CYP39A1: variants seen among roughly 807,000 people sequenced by gnomAD.
CYP39A1 encodes cytochrome P450 family 39 subfamily A member 1, also known as 24-hydroxycholesterol 7-alpha-hydroxylase.
CYP39A1 carries 49 observed loss-of-function variants against 58.1 expected under a neutral mutation model. That is an observed-to-expected ratio of 0.84 (90% CI 0.67 to 1.07). CYP39A1 has a LOEUF of 1.07. Ranked by LOEUF, CYP39A1 falls within the 50% of genes least tolerant of loss-of-function variation. The probability of loss-of-function intolerance (pLI) is 0.00; values close to 1 mark genes in which losing one functional copy is unlikely to be tolerated. For synonymous variants in CYP39A1, 209 were observed against 187.6 expected (o/e 1.11, Z -0.93); for missense variants, 531 against 539.4 (o/e 0.98, Z 0.16).
At chr6:46,616,063 C>T (rs1028660316) in intron 7 of CYP39A1, among the ~76,000 whole-genome samples, 1 of 126,236 alleles carries the variant, frequency 7.9e-6, no homozygotes, top group Non-Finnish European at 1.6e-5. Flanking sequence ...TTTCTTTTCT[C>T]TCTCTTTCCC....
In CYP39A1 at chr6:46,642,277, A is replaced by G. The variant is rs780493299; in HGVS notation, c.199T>C (p.Phe67Leu). Residue 67 changes from phenylalanine (F) to leucine (L), a missense_variant, in exon 2 of 12, where the codon TTT (phenylalanine) becomes CTT (leucine). Transcript: ENST00000275016. ...RIKYGPIFTV[F>L]AMGNRMTFVT... ...AAGGTCATTCGGTTTCCCATAGCAA[A>G]GACTGTAAATATTGGTCCATACTGA... 3 of 1,612,582 alleles carry G rather than the reference A, an allele frequency of 1.9e-6. No homozygotes were observed. Among genetic ancestry groups the G allele is most frequent in the East Asian group, 4.5e-5 (2 of 44,730 alleles).
chr6:46,578,508 A>G (rs1434722488), intron 10 of CYP39A1, among the ~76,000 whole-genome samples: 1 of 151,972 alleles, frequency 6.6e-6, no homozygotes. Context: ...GTTTTTTGAA[A>G]GAATAACTAA....
intron 10 of CYP39A1, among the ~76,000 whole-genome samples, chr6:46,557,806 G>A (rs1770733495): frequency 6.6e-6 from 1 of 151,216 alleles, no homozygotes; most frequent in Non-Finnish European, 1.5e-5. Context: ...GTGTGGTGGT[G>A]GGTGCCTGTA....
At chr6:46,593,103 T>C (rs1263439156) in intron 8 of CYP39A1, among the ~76,000 whole-genome samples, 1 of 152,098 alleles carries the variant, frequency 6.6e-6, no homozygotes, top group Non-Finnish European at 1.5e-5. Flanking sequence ...GAAGAATTAG[T>C]GTTAAAAAAA....
chr6:46,625,497 C>G lies in CYP39A1; in HGVS notation c.852G>C (p.Trp284Cys), dbSNP rs1331531011. 6.2e-7 allele frequency: 1 copy of G among 1,605,406 alleles called. No individual in the cohort carries two copies. Among genetic ancestry groups the G allele is most frequent in the Non-Finnish European group, 8.5e-7 (1 of 1,175,738 alleles). Residue 284 changes from tryptophan to cysteine, a missense_variant, in exon 7 of 12, where the codon TGG becomes TGC. By Grantham distance (215) the Trp-to-Cys change is radical. Coordinates refer to ENST00000275016, the MANE Select transcript of CYP39A1 (RefSeq NM_016593.5). ...SLSNAVPVAF[W>C]TLAYVLSHPD... ...GATGAGAAAGGACGTATGCAAGTGTCCAAAATGCAACCTTAAAAAGAAAAA... is the reference window on the plus strand; with the variant it reads ...GATGAGAAAGGACGTATGCAAGTGTGCAAAATGCAACCTTAAAAAGAAAAA...
At chr6:46,634,207 G>A (rs1473910891) in intron 5 of CYP39A1, among the ~76,000 whole-genome samples, 5 of 152,098 alleles carry the variant, frequency 3.3e-5, no homozygotes, top group African/African-American at 7.2e-5. Flanking sequence ...AGATCTGATG[G>A]TTTTACAAAG....
chr6:46,578,698 T>C (rs889671189), intron 10 of CYP39A1, among the ~76,000 whole-genome samples: 14 of 151,920 alleles, frequency 9.2e-5, no homozygotes, highest in African/African-American at 2.9e-4. Flanking sequence ...CTAGAATAAA[T>C]GAATAAGTTC....
chr6:46,609,700 G>A lies in CYP39A1; in HGVS notation c.932-13580C>T, dbSNP rs191259053. Among the ~76,000 whole-genome samples, 114 of 152,272 alleles carry A rather than the reference G, an allele frequency of 7.5e-4. 1 individual carries two copies. Among genetic ancestry groups the A allele is most frequent in the African/African-American group, 2.1e-3 (87 of 41,556 alleles). On this transcript the variant is annotated intron_variant, in intron 7 of 11. Coordinates refer to ENST00000275016, the MANE Select transcript of CYP39A1 (RefSeq NM_016593.5). ...CAGCCTTCTTTAACACACAAGGCTT[G>A]TGCTATCATTCCAAGCAACTTGTAA...
intron 4 of CYP39A1, 97 bp downstream of exon 4, chr6:46,637,732 A>C: frequency 7.5e-7 from 1 of 1,338,648 alleles, no homozygotes; most frequent in Non-Finnish European, 1.0e-6. Flanking sequence ...TCTCCCACTT[A>C]AACTGCTGTT....
intron 10 of CYP39A1, among the ~76,000 whole-genome samples, chr6:46,571,400 G>T (rs1173345387): frequency 1.3e-5 from 2 of 152,020 alleles, no homozygotes; most frequent in African/African-American, 4.8e-5. Flanking sequence ...ATATTCAGGT[G>T]CTCTGATGTT....
chr6:46,616,056 CTTT>C (rs1561993648), intron 7 of CYP39A1, among the ~76,000 whole-genome samples: 6 of 120,812 alleles, frequency 5.0e-5, no homozygotes, highest in South Asian at 3.2e-4. Flanking sequence ...CTTTTCTTTT[CTTT>C]TCTCTCTCTT....
chr6:46,607,454 C>T (rs1329984679), intron 7 of CYP39A1, among the ~76,000 whole-genome samples: 1 of 147,226 alleles, frequency 6.8e-6, no homozygotes, highest in African/African-American at 2.6e-5. Flanking sequence ...TATTTCAAGC[C>T]CCTTCCCCCT....
At chr6:46,587,666 T>A (rs1772553215) in intron 9 of CYP39A1, among the ~76,000 whole-genome samples, 1 of 152,146 alleles carries the variant, frequency 6.6e-6, no homozygotes, top group Non-Finnish European at 1.5e-5. Flanking sequence ...CAGATCACGG[T>A]TTTAATTTGC....
chr6:46,573,259 G>T (rs1771686166), intron 10 of CYP39A1, among the ~76,000 whole-genome samples: 1 of 152,056 alleles, frequency 6.6e-6, no homozygotes, highest in African/African-American at 2.4e-5. Context: ...GTGCATTTGA[G>T]GTAGCAGTCA....
At chr6:46,571,216 T>C (rs1771569926) in intron 10 of CYP39A1, among the ~76,000 whole-genome samples, 1 of 152,162 alleles carries the variant, frequency 6.6e-6, no homozygotes, top group African/African-American at 2.4e-5. Flanking sequence ...GATGAAATGT[T>C]CTGTATATGT....
intron 8 of CYP39A1, among the ~76,000 whole-genome samples, chr6:46,595,067 C>G (rs1773066797): frequency 6.6e-6 from 1 of 151,898 alleles, no homozygotes; most frequent in South Asian, 2.1e-4. Context: ...AAAAAATGCT[C>G]AACATTACTA....
At chr6:46,588,243 T>C (rs926432941) in intron 8 of CYP39A1, 114 bp from the exon 9 acceptor site, 2 of 375,288 alleles carry the variant, frequency 5.3e-6, no homozygotes, top group Non-Finnish European at 4.8e-6. Context: ...CCTTTTATAA[T>C]TGAATGTGAG....
At chr6:46,651,686 A>G (rs969087643) in intron 1 of CYP39A1, among the ~76,000 whole-genome samples, 6 of 152,220 alleles carry the variant, frequency 3.9e-5, no homozygotes, top group Non-Finnish European at 8.8e-5. Flanking sequence ...AATTGGGCTA[A>G]CCAGATGGAA....
chr6:46,602,777 G>A (rs868637347), intron 7 of CYP39A1, among the ~76,000 whole-genome samples: 1 of 150,720 alleles, frequency 6.6e-6, no homozygotes, highest in Non-Finnish European at 1.5e-5. Flanking sequence ...AGATAGTCTA[G>A]GCTTAAAGCA....
Sources: gnomAD v4.1 joint callset for allele counts (sites outside exome capture counted in the v4.1 genomes callset) on GRCh38, gnomAD v4.1.1 for gene constraint, MANE v1.5 for transcripts, NCBI Gene and HGNC (gene_info 2026-07-23, HGNC 2026-07-21) for gene names.